MED17: variants seen among roughly 807,000 people sequenced by gnomAD.
The protein encoded by MED17 is mediator complex subunit 17.
MED17 carries 49 observed loss-of-function variants against 80.8 expected under a neutral mutation model. That is an observed-to-expected ratio of 0.61 (90% CI 0.48 to 0.77). The LOEUF (loss-of-function observed/expected upper bound fraction) is 0.77, where lower values mean the gene tolerates loss of function less well. Ranked by LOEUF, MED17 falls within the 30% of genes least tolerant of loss-of-function variation. The pLI, the probability that MED17 is intolerant of heterozygous loss-of-function variation, is 0.00. For missense variants in MED17, 718 were observed against 787.0 expected, an observed-to-expected ratio of 0.91 and a Z score of 1.05; for synonymous variants, 281 against 280.4, an observed-to-expected ratio of 1.00 and a Z score of -0.02.
At chr11:93,795,282 T>G in intron 6 of MED17, 1 of 608,554 alleles carries the variant, frequency 1.6e-6, no homozygotes, top group Non-Finnish European at 2.9e-6. Context: ...ATATTAAAAA[T>G]TTGCACTTAT....
intron 8 of MED17, chr11:93,801,563 A>C (rs1174576151): frequency 2.3e-5 from 9 of 390,280 alleles, no homozygotes; most frequent in Non-Finnish European, 3.8e-5. Context: ...AAGAAAATGA[A>C]TAGAGTTAAA....
intron 3 of MED17, chr11:93,793,170 G>A (rs1943859167): frequency 8.2e-6 from 1 of 122,324 alleles, no homozygotes; most frequent in African/African-American, 3.0e-5. Flanking sequence ...CCAGGCTAGA[G>A]GGCAATGGCG....
At chr11:93,810,289 A>G (rs966865229) in intron 11 of MED17, 8 of 153,554 alleles carry the variant, frequency 5.2e-5, no homozygotes, top group African/African-American at 1.4e-4. Flanking sequence ...CATTAAAAAA[A>G]TAGTAACAGT....
In MED17 at chr11:93,812,028, G is replaced by T. The variant is rs1261761733; in HGVS notation, c.1920G>T (p.Glu640Asp). The change falls in exon 12 of 12, where the codon GAG (glutamate) becomes GAT (aspartate). Residue 640 changes from glutamate to aspartate, a missense_variant. Coordinates refer to ENST00000251871, the MANE Select transcript of MED17 (RefSeq NM_004268.5). ...GTCGAAATTTTGTTTATAAAATGGA[G>T]CTGCTTATGTCTGCACTTAGCCCTT... ...MEGRNFVYKMELLMSALSPCL... is the reference protein window; with the variant it reads ...MEGRNFVYKMDLLMSALSPCL... 6.2e-7 allele frequency: 1 copy of T among 1,613,960 alleles called. No individual in the cohort carries two copies. Among genetic ancestry groups the T allele is most frequent in the African/African-American group, 1.3e-5 (1 of 74,912 alleles).
intron 9 of MED17, among the ~76,000 whole-genome samples, chr11:93,803,020 G>GT (rs1278544028): frequency 2.0e-5 from 3 of 152,056 alleles, no homozygotes; most frequent in African/African-American, 2.4e-5. Flanking sequence ...CTCAGTTTGT[G>GT]TTTTTGAGAT....
At chr11:93,803,864 AAGG>A (rs1304817924) in intron 9 of MED17, among the ~76,000 whole-genome samples, 3 of 151,868 alleles carry the variant, frequency 2.0e-5, no homozygotes, top group African/African-American at 4.8e-5. Flanking sequence ...ATCAGGAGTG[AAGG>A]AGAAGTAGAA....
intron 1 of MED17, among the ~76,000 whole-genome samples, chr11:93,787,496 G>A (rs1191417771): frequency 6.6e-6 from 1 of 152,070 alleles, no homozygotes; most frequent in Non-Finnish European, 1.5e-5. Flanking sequence ...ATCGGGTGGG[G>A]AATGAAGGAA....
At position 93,784,579 on chromosome 11, in the gene MED17, G is replaced by A; in HGVS notation, c.66G>A (p.Val22=). ...ESACEKQVHE[V]GLDGTETYLP... is the part of the protein sequence containing the mutation. ...CCTGCGAGAAGCAGGTCCATGAGGT[G>A]GGCCTGGATGGCACCGAGACGTACC... Residue 22 remains valine, a synonymous_variant, in exon 1 of 12, where the codon GTG becomes GTA. Coordinates refer to ENST00000251871, the MANE Select transcript of MED17 (RefSeq NM_004268.5). The A allele has an allele frequency of 6.2e-7, 1 of 1,611,400 alleles. No individual in the cohort carries two copies. Among genetic ancestry groups the A allele is most frequent in the Non-Finnish European group, 8.5e-7 (1 of 1,179,490 alleles).
intron 8 of MED17, chr11:93,800,883 C>T (rs927491014): frequency 4.6e-5 from 7 of 152,124 alleles, no homozygotes; most frequent in African/African-American, 1.2e-4. Context: ...GCGATCGTCC[C>T]TCCTTGTCCT....
intron 8 of MED17, among the ~76,000 whole-genome samples, chr11:93,798,502 G>GT (rs1383589342): frequency 2.0e-5 from 3 of 151,822 alleles, no homozygotes; most frequent in Admixed American, 6.6e-5. Context: ...TGTTAATACA[G>GT]TTTTTTTTAG....
intron 2 of MED17, chr11:93,789,721 A>G (rs969310063): frequency 1.3e-5 from 2 of 151,602 alleles, no homozygotes; most frequent in East Asian, 3.9e-4. Context: ...TGTAATTCCA[A>G]CACTTTGGGG....
chr11:93,809,619 A>G, intron 10 of MED17, 98 bp from the exon 11 acceptor site: 2 of 1,251,532 alleles, frequency 1.6e-6, no homozygotes, highest in South Asian at 1.2e-5. Context: ...TGTAGTAGTC[A>G]GTGAGCACCC....
Position 93,793,731 on chromosome 11 carries a change from C to G in MED17, c.641C>G (p.Ser214Cys). 1 of 1,561,586 alleles carries G rather than the reference C, an allele frequency of 6.4e-7. No individual in the cohort carries two copies. The change falls in exon 4 of 12, where the codon TCT becomes TGT. Residue 214 changes from serine (S) to cysteine (C), a missense_variant. Coordinates refer to ENST00000251871, the MANE Select transcript of MED17 (RefSeq NM_004268.5). ...CCTATTTTTAATACAACATTAGGAT[C>G]TCTCTTTCCTCATCATGGTACATTT... ...LGDLSYRSAG[S>C]LFPHHGTFEV...
chr11:93,791,703 C>CA lies in MED17; in HGVS notation c.637+918dup, dbSNP rs1434954138. Among the ~76,000 whole-genome samples, 17 of 150,798 alleles carry CA rather than the reference C, an allele frequency of 1.1e-4. No homozygotes were observed. The South Asian group carries it at 2.1e-3, about 19-fold the overall frequency. ...CCTGACCTTGTCTCAAAAAAAACCC[C>CA]AAAAAAAACCAAACGAAAACTGGAC... On this transcript the variant is annotated intron_variant, in intron 3 of 11. Transcript: ENST00000251871.
chr11:93,785,372 A>G (rs1483654475), intron 1 of MED17, among the ~76,000 whole-genome samples: 1 of 152,206 alleles, frequency 6.6e-6, no homozygotes, highest in Non-Finnish European at 1.5e-5. Context: ...CAAAACTGGA[A>G]GGGAGGAGAC....
chr11:93,807,405 A>G, intron 9 of MED17, 113 bp from the exon 10 acceptor site: 1 of 742,420 alleles, frequency 1.3e-6, no homozygotes, highest in Non-Finnish European at 2.4e-6. Context: ...AGGCTTTGAG[A>G]CTTTGTCTAA....
chr11:93,799,366 G>C (rs1364507922), intron 8 of MED17, among the ~76,000 whole-genome samples: 15 of 152,106 alleles, frequency 9.9e-5, no homozygotes, highest in Admixed American at 9.8e-4. Context: ...AGTAGAGTTG[G>C]GGTTTCACCA....
chr11:93,809,359 G>A (rs1251712254), intron 10 of MED17: 8 of 359,338 alleles, frequency 2.2e-5, no homozygotes, highest in South Asian at 4.4e-5. Flanking sequence ...ATGTAACCAC[G>A]TGTGTCAGCC....
At chr11:93,804,250 T>C (rs550136978) in intron 9 of MED17, among the ~76,000 whole-genome samples, 1 of 151,982 alleles carries the variant, frequency 6.6e-6, no homozygotes, top group African/African-American at 2.4e-5. Context: ...AGTGTCTCTT[T>C]TCACGTTTTT....
Sources: allele counts gnomAD v4.1 joint callset (sites outside exome capture counted in the v4.1 genomes callset), GRCh38; gene constraint gnomAD v4.1.1; transcripts MANE v1.5; gene names NCBI Gene and HGNC (gene_info 2026-07-23, HGNC 2026-07-21).